KCTD16: variants seen among roughly 807,000 people sequenced by gnomAD.
KCTD16 encodes the protein potassium channel tetramerization domain containing 16.
KCTD16 carries 13 observed loss-of-function variants against 33.2 expected under a neutral mutation model. The observed-to-expected ratio is 0.39, with a 90% CI of 0.25 to 0.62. The LOEUF (loss-of-function observed/expected upper bound fraction) is 0.62. KCTD16 is among the 20% of genes least tolerant of loss of function. KCTD16 has a pLI of 0.50. For missense variants in KCTD16, 441 were observed against 525.1 expected, an observed-to-expected ratio of 0.84 and a Z score of 1.57; for synonymous variants, 197 against 195.3, an observed-to-expected ratio of 1.01 and a Z score of -0.07.
intron 3 of KCTD16, among the ~76,000 whole-genome samples, chr5:144,370,665 A>G (rs1350392531): frequency 6.6e-6 from 1 of 152,226 alleles, no homozygotes; most frequent in African/African-American, 2.4e-5. Context: ...CTTTAGGCAT[A>G]TATTTAGGGA....
At chr5:144,288,835 A>G (rs1477015633) in intron 3 of KCTD16, among the ~76,000 whole-genome samples, 1 of 152,108 alleles carries the variant, frequency 6.6e-6, no homozygotes, top group Non-Finnish European at 1.5e-5. Flanking sequence ...GCTGTGGTGC[A>G]TGCCTGTAAT....
intron 3 of KCTD16, among the ~76,000 whole-genome samples, chr5:144,309,365 ATTT>A (rs567599397): frequency 7.1e-6 from 1 of 140,518 alleles, no homozygotes; most frequent in Non-Finnish European, 1.6e-5. Context: ...TCTCCTCCAC[ATTT>A]TTTTTTTTTT....
intron 3 of KCTD16, among the ~76,000 whole-genome samples, chr5:144,357,665 G>T (rs1258299301): frequency 2.6e-5 from 4 of 152,154 alleles, no homozygotes; most frequent in African/African-American, 9.7e-5. Context: ...ACTTCACAGA[G>T]GACATAATAT....
chr5:144,378,951 G>A (rs1752152679), intron 3 of KCTD16, among the ~76,000 whole-genome samples: 1 of 152,142 alleles, frequency 6.6e-6, no homozygotes, highest in Non-Finnish European at 1.5e-5. Context: ...ATGGGATTTG[G>A]CGATATTAAT....
intron 3 of KCTD16, among the ~76,000 whole-genome samples, chr5:144,422,008 C>T (rs749018311): frequency 1.3e-5 from 2 of 152,092 alleles, no homozygotes; most frequent in Admixed American, 1.3e-4. Context: ...TAATAAAAAA[C>T]TTGGTATGAG....
intron 3 of KCTD16, among the ~76,000 whole-genome samples, chr5:144,460,316 A>C (rs1754165942): frequency 6.6e-6 from 1 of 152,218 alleles, no homozygotes; most frequent in Non-Finnish European, 1.5e-5. Flanking sequence ...TTCTAGTCCC[A>C]ATCAAAATGT....
intron 3 of KCTD16, among the ~76,000 whole-genome samples, chr5:144,386,157 C>T (rs1752319294): frequency 6.6e-6 from 1 of 152,148 alleles, no homozygotes; most frequent in Admixed American, 6.5e-5. Context: ...TCTTTAATCT[C>T]TTCTTTTCTA....
intron 3 of KCTD16, among the ~76,000 whole-genome samples, chr5:144,296,240 G>A (rs554667249): frequency 1.5e-4 from 23 of 152,256 alleles, no homozygotes; most frequent in African/African-American, 5.5e-4. Context: ...GACCCCAGGA[G>A]GTCTGGGGAG....
chr5:144,182,760 GAA>G (rs909436308), intron 2 of KCTD16, among the ~76,000 whole-genome samples: 32 of 150,672 alleles, frequency 2.1e-4, no homozygotes, highest in African/African-American at 6.2e-4. Context: ...GAGAGAGAGA[GAA>G]AGAGAGAGAG....
chr5:144,352,421 T>C (rs1751467385), intron 3 of KCTD16, among the ~76,000 whole-genome samples: 1 of 152,052 alleles, frequency 6.6e-6, no homozygotes, highest in Admixed American at 6.6e-5. Context: ...GAATAAATGG[T>C]GTCAGCTAAT....
At chr5:144,407,491 A>C (rs536824841) in intron 3 of KCTD16, among the ~76,000 whole-genome samples, 1 of 152,150 alleles carries the variant, frequency 6.6e-6, no homozygotes, top group South Asian at 2.1e-4. Flanking sequence ...TGTAATAAGC[A>C]TAGTACCTGA....
At chr5:144,335,668 G>C (rs1443113267) in intron 3 of KCTD16, among the ~76,000 whole-genome samples, 2 of 152,144 alleles carry the variant, frequency 1.3e-5, no homozygotes, top group Non-Finnish European at 1.5e-5. Context: ...GGTGACAATT[G>C]AGCTGAATCA....
intron 3 of KCTD16, among the ~76,000 whole-genome samples, chr5:144,437,640 A>G (rs1753608009): frequency 1.3e-5 from 2 of 152,204 alleles, no homozygotes; most frequent in African/African-American, 4.8e-5. Flanking sequence ...CTAACAAACA[A>G]ACCAATATCA....
intron 2 of KCTD16, among the ~76,000 whole-genome samples, chr5:144,196,957 A>C (rs549322585): frequency 7.9e-5 from 12 of 152,350 alleles, no homozygotes; most frequent in Admixed American, 2.6e-4. Flanking sequence ...ACAGCAAAAA[A>C]GGTGATGTTT....
intron 3 of KCTD16, among the ~76,000 whole-genome samples, chr5:144,331,377 A>G (rs1261908666): frequency 6.6e-6 from 1 of 152,186 alleles, no homozygotes; most frequent in Non-Finnish European, 1.5e-5. Context: ...CTGAATTCCA[A>G]TGCATTGGTC....
intron 3 of KCTD16, among the ~76,000 whole-genome samples, chr5:144,364,416 T>C (rs1391817845): frequency 6.6e-6 from 1 of 152,228 alleles, no homozygotes; most frequent in Non-Finnish European, 1.5e-5. Flanking sequence ...TGAACATATA[T>C]TGTAGTCCAC....
chr5:144,191,612 G>A (rs1752843710), intron 2 of KCTD16, among the ~76,000 whole-genome samples: 1 of 152,106 alleles, frequency 6.6e-6, no homozygotes, highest in African/African-American at 2.4e-5. Flanking sequence ...AAGCCCTGAA[G>A]ACAGCTGGCT....
chr5:144,388,095 T>TTTTTTC, intron 3 of KCTD16, among the ~76,000 whole-genome samples: 1 of 127,490 alleles, frequency 7.8e-6, no homozygotes, highest in Non-Finnish European at 1.7e-5. Flanking sequence ...TTTTTTTTTT[T>TTTTTTC]GAGATGGAGT....
intron 3 of KCTD16, among the ~76,000 whole-genome samples, chr5:144,423,006 C>T (rs1357394246): frequency 6.6e-6 from 1 of 152,096 alleles, no homozygotes; most frequent in African/African-American, 2.4e-5. Context: ...AATCATTCTC[C>T]TAAGACTGTG....
Sources: allele counts gnomAD v4.1 joint callset (sites outside exome capture counted in the v4.1 genomes callset), GRCh38; gene constraint gnomAD v4.1.1; transcripts MANE v1.5; gene names NCBI Gene and HGNC (gene_info 2026-07-23, HGNC 2026-07-21).